KDM7A: variants seen among roughly 807,000 people sequenced by gnomAD.
KDM7A encodes lysine demethylase 7A, also known as lysine-specific demethylase 7A.
KDM7A carries 28 observed loss-of-function variants against 114.8 expected under a neutral mutation model. The ratio of observed to expected loss-of-function variants is 0.24; its 90% CI spans 0.18 to 0.33. The LOEUF (loss-of-function observed/expected upper bound fraction) is 0.33. KDM7A is among the 10% of genes least tolerant of loss of function. The pLI, the probability that KDM7A is intolerant of heterozygous loss-of-function variation, is 1.00. For synonymous variants in KDM7A, 423 were observed against 397.8 expected (o/e 1.06, Z -0.75); for missense variants, 942 against 1,142.5 (o/e 0.82, Z 2.53).
rs1427752352 is a variant in KDM7A, at chr7:140,094,144, G to A, written c.2375-6C>T. The A allele has an allele frequency of 4.5e-6, 7 of 1,545,470 alleles. No individual in the cohort carries two copies. Among genetic ancestry groups the A allele is most frequent in the African/African-American group, 1.4e-5 (1 of 73,740 alleles). ...TTCAGTCTTGACATGGTATCCTAAA[G>A]AGAAGTTTTAGTTTAATTAACTTTG... On this transcript the variant is annotated splice_region_variant and splice_polypyrimidine_tract_variant and intron_variant, in intron 17 of 19. Transcript: ENST00000397560.
rs1253689859 is a variant in KDM7A, at chr7:140,087,149, T to G, written c.*3945A>C. On this transcript the variant is annotated 3_prime_UTR_variant, in exon 20 of 20. Transcript: ENST00000397560. ...CTGTCTTTGTGCATTCTCACCTTTC[T>G]AACCACCTCATTCTCCCCACAAGTT... The G allele has an allele frequency of 6.6e-6, 1 of 152,216 alleles. No homozygotes were observed. Among genetic ancestry groups the G allele is most frequent in the Non-Finnish European group, 1.5e-5 (1 of 68,034 alleles). 9.4% of individuals were successfully genotyped at this position (152,216 alleles called of 1,614,324 possible). A position where few individuals can be genotyped will look rare whatever the true frequency, so the allele number is the denominator to read the frequency against.
intron 2 of KDM7A, among the ~76,000 whole-genome samples, chr7:140,137,270 A>C (rs1217559981): frequency 6.6e-6 from 1 of 152,236 alleles, no homozygotes; most frequent in African/African-American, 2.4e-5. Flanking sequence ...TTAAGTCGTG[A>C]TCCATTATGG....
rs1430346944 is a variant in KDM7A, at chr7:140,085,244, T to G, written c.*5850A>C. 2.0e-5 allele frequency: 3 copies of G among 152,168 alleles called. No individual in the cohort carries two copies. The highest frequency in any genetic ancestry group is 4.4e-5 in the Non-Finnish European group (3 of 68,042). 9.4% of individuals were successfully genotyped at this position (152,168 alleles called of 1,614,324 possible). A position where few individuals can be genotyped will look rare whatever the true frequency, so the allele number is the denominator to read the frequency against. ...ACCCCCAACAAGAAGAACAGTCCCC[T>G]CGGACCGTGGGCATAAAAACCAGTA... is the stretch of plus-strand genomic sequence containing the variant. On this transcript the variant is annotated 3_prime_UTR_variant, in exon 20 of 20. Coordinates refer to ENST00000397560, the MANE Select transcript of KDM7A (RefSeq NM_030647.2).
Position 140,091,959 on chromosome 7 carries a change from A to C in KDM7A, c.2576T>G (p.Met859Arg). ...CCCCGAAGTCAGGTTTGAATTCTGC[A>C]TATACTTTCCATTCTGAAGGCTTGA... The part of the protein sequence containing the change: ...SGSSLQNGKY[M>R]QNSNLTSGAC... The change falls in exon 19 of 20, where the codon ATG (methionine) becomes AGG (arginine). Residue 859 changes from methionine (M) to arginine (R), a missense_variant. Physicochemically the swap from Met to Arg is moderately conservative, Grantham distance 91 (BLOSUM62 -1). Transcript: ENST00000397560. The C allele has an allele frequency of 6.2e-7, 1 of 1,613,904 alleles. No homozygotes were observed.
At chr7:140,103,646 C>CT (rs1047924703) in intron 11 of KDM7A, among the ~76,000 whole-genome samples, 2 of 152,066 alleles carry the variant, frequency 1.3e-5, no homozygotes, top group Admixed American at 1.3e-4. Context: ...TGAACTCATC[C>CT]TTTTTTTGGC....
intron 1 of KDM7A, among the ~76,000 whole-genome samples, chr7:140,172,293 A>C (rs1448976433): frequency 6.6e-6 from 1 of 152,220 alleles, no homozygotes; most frequent in East Asian, 1.9e-4. Flanking sequence ...ATTCTAAGGA[A>C]ATAATTAAAT....
At chr7:140,103,347 G>A (rs915991789) in intron 11 of KDM7A, among the ~76,000 whole-genome samples, 1 of 151,358 alleles carries the variant, frequency 6.6e-6, no homozygotes, top group Non-Finnish European at 1.5e-5. Context: ...AAGTTCTAGG[G>A]TACATGTGCA....
intron 1 of KDM7A, among the ~76,000 whole-genome samples, chr7:140,158,792 C>T (rs146377854): frequency 7.2e-5 from 11 of 152,240 alleles, no homozygotes; most frequent in South Asian, 2.1e-4. Flanking sequence ...TCCCCAGATG[C>T]CAAGTTAAGT....
At chr7:140,095,438 T>C (rs1414078612) in intron 17 of KDM7A, among the ~76,000 whole-genome samples, 1 of 152,210 alleles carries the variant, frequency 6.6e-6, no homozygotes, top group African/African-American at 2.4e-5. Flanking sequence ...AGCAAAGACT[T>C]TGAGATCAGA....
At chr7:140,160,890 T>C (rs140449676) in intron 1 of KDM7A, among the ~76,000 whole-genome samples, 188 of 152,278 alleles carry the variant, frequency 1.2e-3, no homozygotes, top group African/African-American at 4.4e-3. Flanking sequence ...AAGATGTCCC[T>C]GAACCAAACA....
intron 1 of KDM7A, among the ~76,000 whole-genome samples, chr7:140,171,304 C>CA (rs59757938): frequency 0.039 from 4,991 of 127,828 alleles, 145 homozygotes; most frequent in African/African-American, 0.089. Flanking sequence ...ACTAAAAATA[C>CA]AAAAAAAAAA....
intron 11 of KDM7A, among the ~76,000 whole-genome samples, chr7:140,104,793 T>C (rs577568228): frequency 6.6e-6 from 1 of 151,742 alleles, no homozygotes; most frequent in Admixed American, 6.5e-5. Flanking sequence ...TTTGGTTCCA[T>C]ATGAACTTTA....
chr7:140,163,727 C>A (rs1274007567), intron 1 of KDM7A, among the ~76,000 whole-genome samples: 1 of 151,882 alleles, frequency 6.6e-6, no homozygotes, highest in Non-Finnish European at 1.5e-5. Context: ...AAATTATATT[C>A]CTTTAAATAT....
intron 1 of KDM7A, among the ~76,000 whole-genome samples, chr7:140,158,828 A>C (rs1794486865): frequency 6.6e-6 from 1 of 152,198 alleles, no homozygotes; most frequent in South Asian, 2.1e-4. Context: ...CTTTGAAAAG[A>C]ACTGTTTCAA....
chr7:140,167,574 A>G (rs1794592694), intron 1 of KDM7A, among the ~76,000 whole-genome samples: 1 of 152,128 alleles, frequency 6.6e-6, no homozygotes, highest in Non-Finnish European at 1.5e-5. Context: ...TTTTATTTAG[A>G]AAAAATTCTA....
rs377056207 is a variant in KDM7A, at chr7:140,138,558, T to C, written c.280+547A>G. Among the ~76,000 whole-genome samples the C allele has an allele frequency of 1.1e-4, 16 of 152,170 alleles. No homozygotes were observed. The South Asian group carries it at 2.7e-3, about 26-fold the overall frequency. ...AAACCTGGTCTGGTGTGTCCTTGTA[T>C]CTCTACTTCCTCAGATCTCAGGAAG... On this transcript the variant is annotated intron_variant, in intron 2 of 19. Transcript: ENST00000397560.
chr7:140,100,677 T>TACACAC (rs1297071752), intron 12 of KDM7A, among the ~76,000 whole-genome samples: 2 of 41,530 alleles, frequency 4.8e-5, no homozygotes, highest in African/African-American at 2.1e-4. Flanking sequence ...TATATATATA[T>TACACAC]ATACATATAT....
intron 18 of KDM7A, 115 bp downstream of exon 18, chr7:140,093,941 T>C (rs1585135882): frequency 1.4e-6 from 1 of 715,752 alleles, no homozygotes; most frequent in East Asian, 2.5e-5. Flanking sequence ...TGTAATTTTC[T>C]GGCTGCCTAG....
intron 9 of KDM7A, among the ~76,000 whole-genome samples, chr7:140,116,530 T>C (rs1461422291): frequency 1.3e-5 from 2 of 151,932 alleles, no homozygotes; most frequent in Admixed American, 1.3e-4. Flanking sequence ...AGCGGAAAGG[T>C]GTAATGAGAA....
Sources: allele counts gnomAD v4.1 joint callset (sites outside exome capture counted in the v4.1 genomes callset), GRCh38; gene constraint gnomAD v4.1.1; transcripts MANE v1.5; gene names NCBI Gene and HGNC (gene_info 2026-07-23, HGNC 2026-07-21).